Variants in OSBPL11 observed in about 807,000 individuals in gnomAD.
The protein encoded by OSBPL11 is oxysterol-binding protein-related protein 11.
A neutral mutation model predicts 84.4 loss-of-function variants in OSBPL11; 33 were observed. The ratio of observed to expected loss-of-function variants is 0.39; its 90% CI spans 0.30 to 0.52. OSBPL11 has a LOEUF of 0.52. OSBPL11 is among the 20% of genes least tolerant of loss of function. The probability of loss-of-function intolerance (pLI) is 0.72; values close to 1 mark genes in which losing one functional copy is unlikely to be tolerated. For missense variants in OSBPL11, 736 were observed against 901.1 expected (o/e 0.82, Z 2.35); for synonymous variants, 276 against 310.2 (o/e 0.89, Z 1.16).
intron 2 of OSBPL11, among the ~76,000 whole-genome samples, 192 bp downstream of exon 2, chr3:125,582,718 T>C (rs1390336353): frequency 6.6e-6 from 1 of 152,240 alleles, no homozygotes; most frequent in East Asian, 1.9e-4. Context: ...ATTTAGAGGC[T>C]GCTACTTGGA....
At chr3:125,579,540 G>A (rs534151948) in intron 3 of OSBPL11, among the ~76,000 whole-genome samples, 46 of 152,212 alleles carry the variant, frequency 3.0e-4, no homozygotes, top group African/African-American at 9.9e-4. Flanking sequence ...AAAAGGGCAC[G>A]TAAACTAAAC....
chr3:125,530,627 A>G lies in OSBPL11; in HGVS notation c.2179-47T>C, dbSNP rs550218006. ...AGAATCATCCCTCTAATATTATCAA[A>G]ATCAGTAACCAAAACTAGAAGCAAC... is the stretch of plus-strand genomic sequence containing the variant. On this transcript the variant is annotated intron_variant, in intron 12 of 12. Transcript: ENST00000296220. 5 of 1,483,012 alleles carry G rather than the reference A, an allele frequency of 3.4e-6. No individual in the cohort carries two copies. In the Admixed American group the frequency reaches 8.5e-5, roughly 25 times the overall value. The allele number at this position is 1,483,012 out of a possible 1,614,324, so 91.9% of individuals were successfully genotyped here. A position where few individuals can be genotyped will look rare whatever the true frequency, so the allele number is the denominator to read the frequency against.
intron 11 of OSBPL11, among the ~76,000 whole-genome samples, chr3:125,532,505 G>A (rs530883418): frequency 3.3e-5 from 5 of 151,112 alleles, no homozygotes; most frequent in African/African-American, 7.3e-5. Context: ...GGAGTCCTAT[G>A]AGTGCTCTAA....
intron 12 of OSBPL11, 24 bp downstream of exon 12, chr3:125,531,837 A>G: frequency 6.3e-7 from 1 of 1,583,602 alleles, no homozygotes; most frequent in Non-Finnish European, 8.6e-7. Context: ...ATACATTTTT[A>G]TCTTGAACAC....
intron 8 of OSBPL11, among the ~76,000 whole-genome samples, chr3:125,555,517 C>T (rs1935980106): frequency 6.6e-6 from 1 of 152,066 alleles, no homozygotes; most frequent in African/African-American, 2.4e-5. Context: ...ACCAAGTGCC[C>T]AGATACAATG....
intron 10 of OSBPL11, among the ~76,000 whole-genome samples, chr3:125,543,795 G>A (rs1260519938): frequency 6.6e-6 from 1 of 152,228 alleles, no homozygotes; most frequent in Non-Finnish European, 1.5e-5. Flanking sequence ...AGCTACTTGG[G>A]AGGCTGGGGC....
chr3:125,549,874 A>G (rs960624766), intron 9 of OSBPL11, among the ~76,000 whole-genome samples: 2 of 152,194 alleles, frequency 1.3e-5, no homozygotes, highest in Admixed American at 1.3e-4. Flanking sequence ...TGATAAGATT[A>G]ACTGTCCTTT....
chr3:125,559,456 T>G (rs1473729846), intron 8 of OSBPL11, among the ~76,000 whole-genome samples: 1 of 152,034 alleles, frequency 6.6e-6, no homozygotes, highest in Non-Finnish European at 1.5e-5. Context: ...TGGCACAATC[T>G]CAGCTCACTG....
intron 1 of OSBPL11, among the ~76,000 whole-genome samples, chr3:125,584,826 C>T (rs1437009641): frequency 6.6e-6 from 1 of 152,210 alleles, no homozygotes; most frequent in African/African-American, 2.4e-5. Context: ...ACTGAAGGTA[C>T]TCCCCATTTT....
intron 5 of OSBPL11, among the ~76,000 whole-genome samples, chr3:125,573,628 C>G (rs185808133): frequency 6.6e-6 from 1 of 151,906 alleles, no homozygotes; most frequent in African/African-American, 2.4e-5. Context: ...TTTGGGAGGC[C>G]GAGGCGGGTG....
In OSBPL11 at chr3:125,534,951, G is replaced by GAAAAAAAAAAAAAA. The variant is rs56164804; in HGVS notation, c.2025-2951_2025-2938dup. ...CCTAAGCTTCCATTGTAAGAAATTA[G>GAAAAAAAAAAAAAA]AAAAAAAAAAAAAAAAAAAAAAAAA... On this transcript the variant is annotated intron_variant, in intron 11 of 12. Transcript: ENST00000296220. Among the ~76,000 whole-genome samples the GAAAAAAAAAAAAAA allele has an allele frequency of 5.6e-4, 36 of 64,652 alleles. 2 individuals carry two copies. Among genetic ancestry groups the GAAAAAAAAAAAAAA allele is most frequent in the African/African-American group, 8.3e-4 (11 of 13,300 alleles). 42.4% of individuals were successfully genotyped at this position (64,652 alleles called of 152,430 possible). A position where few individuals can be genotyped will look rare whatever the true frequency, so the allele number is the denominator to read the frequency against.
At position 125,528,979 on chromosome 3, in the gene OSBPL11, G is replaced by T. The variant is rs1318731173; in HGVS notation, c.*1536C>A. 6.6e-6 allele frequency: 1 copy of T among 152,584 alleles called. No individual in the cohort carries two copies. Among genetic ancestry groups the T allele is most frequent in the African/African-American group, 2.4e-5 (1 of 41,438 alleles). 9.5% of individuals were successfully genotyped at this position (152,584 alleles called of 1,614,324 possible). On this transcript the variant is annotated 3_prime_UTR_variant, in exon 13 of 13. Coordinates refer to ENST00000296220, the MANE Select transcript of OSBPL11 (RefSeq NM_022776.5). ...GAACAAGGGAATCATTAAAATTGTT[G>T]TACACAAACCAACTCTTTTTCTTAT...
In OSBPL11 at chr3:125,572,158, T is replaced by C. The variant is rs530071881; in HGVS notation, c.666+4031A>G. Among the ~76,000 whole-genome samples, 10 of 152,364 alleles carry C rather than the reference T, an allele frequency of 6.6e-5. No homozygotes were observed. In the South Asian group the frequency reaches 2.1e-3, roughly 32 times the overall value. ...TTGGAGCTTTGACTGCCCTATTGGA[T>C]TTCTGACTTGCATGGGGCCTGTAGC... On this transcript the variant is annotated intron_variant, in intron 5 of 12. Coordinates refer to ENST00000296220, the MANE Select transcript of OSBPL11 (RefSeq NM_022776.5).
Position 125,576,307 on chromosome 3 carries a change from ATAGGAGAATTACTAC to A in OSBPL11, c.533_547del (p.Ser178_Pro182del). 1 of 1,610,040 alleles carries A rather than the reference ATAGGAGAATTACTAC, an allele frequency of 6.2e-7. No individual in the cohort carries two copies. The highest frequency in any genetic ancestry group is 8.5e-7 in the Non-Finnish European group (1 of 1,178,844). On this transcript the variant is annotated inframe_deletion, in exon 5 of 13. Transcript: ENST00000296220. ...ATTTTGACTTGGTCTCCTCTGCGATATAGGAGAATTACTACTAGATGCAAGTGAGAAGCTCCGTGA... is the reference window on the plus strand; with the variant it reads ...ATTTTGACTTGGTCTCCTCTGCGATATAGATGCAAGTGAGAAGCTCCGTGA...
chr3:125,547,351 A>G, intron 10 of OSBPL11, 55 bp downstream of exon 10: 2 of 1,441,686 alleles, frequency 1.4e-6, no homozygotes, highest in South Asian at 1.2e-5. Flanking sequence ...AAGGAGTTGT[A>G]ATACAAAATC....
intron 6 of OSBPL11, among the ~76,000 whole-genome samples, chr3:125,565,137 TG>T (rs1337441382): frequency 1.3e-5 from 2 of 152,074 alleles, no homozygotes; most frequent in Non-Finnish European, 2.9e-5. Context: ...CCTAGCTACT[TG>T]GGGGGCTAAA....
At chr3:125,577,934 A>G (rs751127418) in intron 4 of OSBPL11, among the ~76,000 whole-genome samples, 2 of 152,230 alleles carry the variant, frequency 1.3e-5, no homozygotes, top group Non-Finnish European at 2.9e-5. Flanking sequence ...GTTCCTCAAA[A>G]TGTTAAACAT....
In OSBPL11 at chr3:125,547,529, C is replaced by A; in HGVS notation, c.1718G>T (p.Arg573Leu). ...TACCCAAGGAACAGTCAAAATTGAC[C>A]GAGCATATGCACAGGGTAGAGAAAA... ...YTFSLPCAYARSILTVPWVEL... is the reference protein window; with the variant it reads ...YTFSLPCAYALSILTVPWVEL... The change falls in exon 10 of 13, where the codon CGG (arginine) becomes CTG (leucine). Residue 573 changes from arginine to leucine, a missense_variant. Physicochemically the swap from Arg to Leu is moderately radical, Grantham distance 102 (BLOSUM62 -2). Transcript: ENST00000296220. 2.5e-6 allele frequency: 4 copies of A among 1,613,670 alleles called. No homozygotes were observed. Among genetic ancestry groups the A allele is most frequent in the Non-Finnish European group, 3.4e-6 (4 of 1,179,686 alleles).
At chr3:125,570,485 CAAT>C (rs952566875) in intron 5 of OSBPL11, among the ~76,000 whole-genome samples, 4 of 152,030 alleles carry the variant, frequency 2.6e-5, no homozygotes, top group South Asian at 2.1e-4. Context: ...AGCCTGGCAA[CAAT>C]GAGACACTGT....
Sources: allele counts gnomAD v4.1 joint callset (sites outside exome capture counted in the v4.1 genomes callset), GRCh38; gene constraint gnomAD v4.1.1; transcripts MANE v1.5; gene names NCBI Gene and HGNC (gene_info 2026-07-23, HGNC 2026-07-21).